TENM4: variants seen among roughly 807,000 people sequenced by gnomAD.
The protein encoded by TENM4 is teneurin-4.
Under a neutral mutation model 243.3 loss-of-function variants are expected in TENM4, and 82 were observed. The observed-to-expected ratio is 0.34, with a 90% CI of 0.28 to 0.40. The LOEUF (loss-of-function observed/expected upper bound fraction) is 0.40, where lower values mean the gene tolerates loss of function less well. Ranked by LOEUF, TENM4 falls within the 10% of genes least tolerant of loss-of-function variation. TENM4 has a pLI of 1.00. For synonymous variants in TENM4, 1,412 were observed against 1,456.3 expected (o/e 0.97, Z 0.69); for missense variants, 3,138 against 3,673.3 (o/e 0.85, Z 3.77).
chr11:79,198,158 A>T (rs971788330), intron 3 of TENM4, among the ~76,000 whole-genome samples: 1 of 152,242 alleles, frequency 6.6e-6, no homozygotes, highest in East Asian at 1.9e-4. Flanking sequence ...TTATTGTTCA[A>T]CCACTGCCCT....
intron 3 of TENM4, among the ~76,000 whole-genome samples, chr11:79,196,643 T>A (rs866161151): frequency 1.3e-5 from 2 of 152,200 alleles, no homozygotes; most frequent in African/African-American, 4.8e-5. Flanking sequence ...GATCAGACAC[T>A]GTTCCCCATG....
chr11:79,368,552 C>A (rs1857721026), intron 1 of TENM4, among the ~76,000 whole-genome samples: 1 of 152,222 alleles, frequency 6.6e-6, no homozygotes, highest in Admixed American at 6.5e-5. Flanking sequence ...GTCTTGCTTT[C>A]CAACTTCCAT....
chr11:79,204,323 A>G (rs978774827), intron 3 of TENM4, among the ~76,000 whole-genome samples: 4 of 152,256 alleles, frequency 2.6e-5, no homozygotes, highest in Non-Finnish European at 5.9e-5. Flanking sequence ...TTACATATTT[A>G]AAAAGAAAAA....
intron 9 of TENM4, among the ~76,000 whole-genome samples, chr11:78,868,335 G>A (rs751154247): frequency 7.2e-5 from 11 of 152,248 alleles, no homozygotes; most frequent in Non-Finnish European, 1.2e-4. Context: ...TGGTTTTCCC[G>A]TTAGACTAGT....
At chr11:79,006,391 T>C (rs1280574869) in intron 6 of TENM4, among the ~76,000 whole-genome samples, 1 of 152,188 alleles carries the variant, frequency 6.6e-6, no homozygotes. Context: ...AGCTATGATA[T>C]ACGCAGATCT....
At chr11:79,386,811 A>C (rs947499561) in intron 1 of TENM4, among the ~76,000 whole-genome samples, 1 of 151,964 alleles carries the variant, frequency 6.6e-6, no homozygotes, top group African/African-American at 2.4e-5. Flanking sequence ...CAAAAATATC[A>C]GAACTCTCAT....
chr11:79,114,064 T>C (rs1861567599), intron 4 of TENM4, among the ~76,000 whole-genome samples: 1 of 152,154 alleles, frequency 6.6e-6, no homozygotes, highest in Non-Finnish European at 1.5e-5. Context: ...TCCTCTGTTC[T>C]CTGTTCCAGG....
At chr11:79,419,783 T>C (rs1446423830) in intron 1 of TENM4, among the ~76,000 whole-genome samples, 2 of 152,342 alleles carry the variant, frequency 1.3e-5, no homozygotes, top group East Asian at 3.9e-4. Context: ...CTCCTTGGCC[T>C]GACGTCCCAT....
chr11:79,324,859 G>A (rs561384186), intron 1 of TENM4, among the ~76,000 whole-genome samples: 2 of 152,080 alleles, frequency 1.3e-5, no homozygotes, highest in Non-Finnish European at 2.9e-5. Flanking sequence ...GGAGTTTCCA[G>A]AACCAAAATG....
chr11:78,756,413 C>T (rs759046684), intron 19 of TENM4: 17 of 227,068 alleles, frequency 7.5e-5, no homozygotes, highest in Non-Finnish European at 1.2e-4. Context: ...TACCCACCCC[C>T]TGCCTAGCAA....
rs1006093889 is a variant in TENM4 at position 79,440,927 on chromosome 11, G to C, written c.-739C>G. On this transcript the variant is annotated 5_prime_UTR_variant, in exon 1 of 34. Transcript: ENST00000278550. This position sits in a 1 kb window ranked among gnomAD's most constrained non-coding sequence, Gnocchi z 4.7. ...TCTTCCCCTCCCTGCCTGCTCGCCT[G>C]CCTGCCTCCGTCCCCCACCCTCGCT... 1 of 153,040 alleles carries C rather than the reference G, an allele frequency of 6.5e-6. No homozygotes were observed. Among genetic ancestry groups the C allele is most frequent in the African/African-American group, 2.4e-5 (1 of 41,366 alleles). The allele number at this position is 153,040 out of a possible 1,614,324, so 9.5% of individuals were successfully genotyped here.
At chr11:79,160,294 C>A (rs1371567263) in intron 3 of TENM4, among the ~76,000 whole-genome samples, 3 of 152,196 alleles carry the variant, frequency 2.0e-5, no homozygotes, top group Non-Finnish European at 1.5e-5. Context: ...CTTGTAATTA[C>A]TGTTTTGACT....
intron 6 of TENM4, among the ~76,000 whole-genome samples, chr11:79,004,173 G>A (rs1489608328): frequency 1.3e-5 from 2 of 152,132 alleles, no homozygotes; most frequent in East Asian, 1.9e-4. Context: ...AGAGAGTTGG[G>A]TAACCAGATA....
At chr11:79,206,137 G>C in intron 3 of TENM4, among the ~76,000 whole-genome samples, 1 of 152,222 alleles carries the variant, frequency 6.6e-6, no homozygotes. Context: ...CTGGGTATCT[G>C]GGTGTGCTGC....
intron 1 of TENM4, among the ~76,000 whole-genome samples, chr11:79,416,627 T>C (rs1282472667): frequency 6.6e-6 from 1 of 152,180 alleles, no homozygotes; most frequent in Non-Finnish European, 1.5e-5. Context: ...ATGCACTGTA[T>C]CATCTCACCC....
chr11:79,262,552 C>T (rs1418027030), intron 2 of TENM4, among the ~76,000 whole-genome samples: 1 of 152,156 alleles, frequency 6.6e-6, no homozygotes, highest in Non-Finnish European at 1.5e-5. Flanking sequence ...TTTGAAGATC[C>T]GTCTCTTTCC....
intron 3 of TENM4, among the ~76,000 whole-genome samples, chr11:79,185,078 G>A (rs1389610514): frequency 1.3e-5 from 2 of 152,062 alleles, no homozygotes; most frequent in South Asian, 2.1e-4. Flanking sequence ...GGGGAGGATC[G>A]CTTGAGCCCA....
chr11:78,952,456 C>T (rs516783), intron 6 of TENM4, among the ~76,000 whole-genome samples: 55,549 of 151,990 alleles, frequency 0.37, 10,741 homozygotes, highest in Non-Finnish European at 0.43. Flanking sequence ...GCTGGAACAA[C>T]GTGAGGGATG....
chr11:79,423,026 C>T (rs372096612), intron 1 of TENM4, among the ~76,000 whole-genome samples: 6 of 152,156 alleles, frequency 3.9e-5, no homozygotes, highest in East Asian at 1.9e-4. Context: ...CCAAGGATGC[C>T]GGACCCAATC....
Sources: gnomAD v4.1 joint callset for allele counts (sites outside exome capture counted in the v4.1 genomes callset) on GRCh38, gnomAD v4.1.1 for gene constraint, Gnocchi (gnomAD v3.1) non-coding constraint, MANE v1.5 for transcripts, NCBI Gene and HGNC (gene_info 2026-07-23, HGNC 2026-07-21) for gene names.